MINDY2: variants seen among roughly 807,000 people sequenced by gnomAD.
MINDY2 encodes MINDY lysine 48 deubiquitinase 2.
In MINDY2, 52 loss-of-function variants were observed where a neutral mutation model predicts 68.2. The observed-to-expected ratio is 0.76, with a 90% CI of 0.61 to 0.96. The LOEUF (loss-of-function observed/expected upper bound fraction) is 0.96, where lower values mean the gene tolerates loss of function less well. Ranked by LOEUF, MINDY2 falls within the 40% of genes least tolerant of loss-of-function variation. The pLI, the probability that MINDY2 is intolerant of heterozygous loss-of-function variation, is 0.00. For synonymous variants in MINDY2, 372 were observed against 303.0 expected, an observed-to-expected ratio of 1.23 and a Z score of -2.36; for missense variants, 881 against 773.4, an observed-to-expected ratio of 1.14 and a Z score of -1.65.
In MINDY2 at chr15:58,859,400, T is replaced by C. The variant is rs2033153176; in HGVS notation, c.*4790T>C. The stretch of plus-strand genomic sequence containing the variant: ...TAATATTATTTTAGGGCTATATAAA[T>C]TGTGTTTTTAGTGTAAAATGTTATT... On this transcript the variant is annotated 3_prime_UTR_variant, in exon 9 of 9. Coordinates refer to ENST00000559228, the MANE Select transcript of MINDY2 (RefSeq NM_001040450.3). 1 of 152,258 alleles carries C rather than the reference T, an allele frequency of 6.6e-6. No individual in the cohort carries two copies. The highest frequency in any genetic ancestry group is 2.4e-5 in the African/African-American group (1 of 41,574). The allele number at this position is 152,258 out of a possible 1,614,324, so 9.4% of individuals were successfully genotyped here. A position where few individuals can be genotyped will look rare whatever the true frequency, so the allele number is the denominator to read the frequency against.
At chr15:58,824,311 G>A (rs1199727665) in intron 5 of MINDY2, among the ~76,000 whole-genome samples, 3 of 152,016 alleles carry the variant, frequency 2.0e-5, no homozygotes, top group African/African-American at 7.2e-5. Flanking sequence ...ATGTGTTATT[G>A]ATAATTTAGG....
chr15:58,838,567 G>A (rs566388092), intron 6 of MINDY2, among the ~76,000 whole-genome samples: 83 of 148,074 alleles, frequency 5.6e-4, no homozygotes, highest in Non-Finnish European at 9.9e-4. Context: ...TTGTTAGTGG[G>A]GCTACTTTTT....
At chr15:58,814,910 C>T (rs75870720) in intron 4 of MINDY2, among the ~76,000 whole-genome samples, 272 of 151,326 alleles carry the variant, frequency 1.8e-3, no homozygotes, top group African/African-American at 6.3e-3. Flanking sequence ...CTCAGAGTGC[C>T]GAGGTTACAA....
intron 4 of MINDY2, among the ~76,000 whole-genome samples, chr15:58,814,591 C>G (rs193224): frequency 0.013 from 1,925 of 145,134 alleles, 36 homozygotes; most frequent in African/African-American, 0.04. Flanking sequence ...ATTGCTCAGG[C>G]TGGTCTCGAA....
intron 2 of MINDY2, among the ~76,000 whole-genome samples, chr15:58,798,133 C>T (rs1474672425): frequency 1.3e-5 from 2 of 151,710 alleles, no homozygotes; most frequent in East Asian, 1.9e-4. Flanking sequence ...TTTTTTCTTC[C>T]CGAGATGGAG....
rs1438273961 is a variant in MINDY2, at chr15:58,856,416, G to C, written c.*1806G>C. ...TTATTTATGGAAGGAATTATTCTAA[G>C]GGAAAAATCCAGGGTCAAGCTGTAT... On this transcript the variant is annotated 3_prime_UTR_variant, in exon 9 of 9. Coordinates refer to ENST00000559228, the MANE Select transcript of MINDY2 (RefSeq NM_001040450.3). 1 of 152,540 alleles carries C rather than the reference G, an allele frequency of 6.6e-6. No individual in the cohort carries two copies. The highest frequency in any genetic ancestry group is 2.4e-5 in the African/African-American group (1 of 41,410). The allele number at this position is 152,540 out of a possible 1,614,324, so 9.4% of individuals were successfully genotyped here.
chr15:58,839,532 A>G (rs1458456158), intron 6 of MINDY2, among the ~76,000 whole-genome samples: 1 of 152,066 alleles, frequency 6.6e-6, no homozygotes, highest in African/African-American at 2.4e-5. Context: ...TGGTTTCACC[A>G]TGTTGGCCAG....
At position 58,854,974 on chromosome 15, in the gene MINDY2, T is replaced by A. The variant is rs2033011706; in HGVS notation, c.*364T>A. On this transcript the variant is annotated 3_prime_UTR_variant, in exon 9 of 9. Transcript: ENST00000559228. ...CTAACAATGAATGGAGGTAATTGAT[T>A]TAGTCTGATTCCTTCCTGAAATCTA... The A allele has an allele frequency of 6.4e-6, 1 of 155,448 alleles. No individual in the cohort carries two copies. The highest frequency in any genetic ancestry group is 1.4e-5 in the Non-Finnish European group (1 of 69,774). The allele number at this position is 155,448 out of a possible 1,614,324, so 9.6% of individuals were successfully genotyped here.
intron 8 of MINDY2, among the ~76,000 whole-genome samples, chr15:58,852,966 TTTTTAA>T (rs2032906532): frequency 3.0e-5 from 1 of 33,518 alleles, no homozygotes. Flanking sequence ...TTTTTTTTTT[TTTTTAA>T]GACAGAGTCT....
At position 58,860,481 on chromosome 15, in the gene MINDY2, C is replaced by G. The variant is rs997366934; in HGVS notation, c.*5871C>G. 2 of 149,360 alleles carry G rather than the reference C, an allele frequency of 1.3e-5. No individual in the cohort carries two copies. The highest frequency in any genetic ancestry group is 2.9e-5 in the Non-Finnish European group (2 of 67,858). 9.3% of individuals were successfully genotyped at this position (149,360 alleles called of 1,614,324 possible). On this transcript the variant is annotated 3_prime_UTR_variant, in exon 9 of 9. Coordinates refer to ENST00000559228, the MANE Select transcript of MINDY2 (RefSeq NM_001040450.3). ...CCCAGCCACTGGGGAGGTTGAGGCG[C>G]AAGAATCGCTTGAACCCGGAAGGCA...
intron 2 of MINDY2, among the ~76,000 whole-genome samples, chr15:58,798,079 G>A (rs956765435): frequency 2.6e-5 from 4 of 152,044 alleles, no homozygotes; most frequent in African/African-American, 9.7e-5. Flanking sequence ...TGTTTTTGAT[G>A]TAATATTTGA....
chr15:58,834,940 A>G (rs1193618416), intron 6 of MINDY2, among the ~76,000 whole-genome samples: 1 of 152,130 alleles, frequency 6.6e-6, no homozygotes, highest in African/African-American at 2.4e-5. Context: ...AGTCATCCAT[A>G]CTCCTCAGAA....
intron 1 of MINDY2, among the ~76,000 whole-genome samples, chr15:58,782,911 G>GTTTTTTTTTTTTTTTTTTTTTTTTT (rs1157376592): frequency 1.1e-4 from 7 of 64,470 alleles, no homozygotes; most frequent in East Asian, 8.1e-4. Flanking sequence ...TTTTCTCTCT[G>GTTTTTTTTTTTTTTTTTTTTTTTTT]TTTTTTTTTT....
chr15:58,812,868 G>A (rs774480268), intron 4 of MINDY2, among the ~76,000 whole-genome samples: 1 of 151,996 alleles, frequency 6.6e-6, no homozygotes, highest in Non-Finnish European at 1.5e-5. Context: ...AAAATAAATA[G>A]AGAAATAAGT....
chr15:58,844,599 T>C (rs1353518484), intron 6 of MINDY2, among the ~76,000 whole-genome samples: 1 of 138,134 alleles, frequency 7.2e-6, no homozygotes, highest in East Asian at 2.2e-4. Context: ...TTGTTGACAG[T>C]GAACCAGTTA....
At chr15:58,827,308 T>C (rs1178697193) in intron 5 of MINDY2, among the ~76,000 whole-genome samples, 1 of 152,232 alleles carries the variant, frequency 6.6e-6, no homozygotes, top group Non-Finnish European at 1.5e-5. Context: ...TTGGCATCCA[T>C]TGGTTCTTGC....
At chr15:58,795,765 G>T (rs1902243702) in intron 2 of MINDY2, among the ~76,000 whole-genome samples, 2 of 150,126 alleles carry the variant, frequency 1.3e-5, no homozygotes, top group Non-Finnish European at 3.0e-5. Context: ...TAGTGTCTAA[G>T]TTTTTTTTTT....
intron 1 of MINDY2, among the ~76,000 whole-genome samples, chr15:58,787,526 A>G (rs1438507943): frequency 1.3e-5 from 2 of 151,930 alleles, no homozygotes; most frequent in African/African-American, 4.8e-5. Flanking sequence ...TCAGAAGGTT[A>G]GGAGATTGAG....
At chr15:58,839,339 T>TTTGTTTGTTTGC (rs1290103106) in intron 6 of MINDY2, among the ~76,000 whole-genome samples, 5 of 151,958 alleles carry the variant, frequency 3.3e-5, no homozygotes, top group African/African-American at 9.7e-5. Context: ...TGTTTGTTTG[T>TTTGTTTGTTTGC]TTGTTTTTTT....
Sources: allele counts gnomAD v4.1 joint callset (sites outside exome capture counted in the v4.1 genomes callset), GRCh38; gene constraint gnomAD v4.1.1; transcripts MANE v1.5; gene names NCBI Gene and HGNC (gene_info 2026-07-23, HGNC 2026-07-21).